The following NAV3 variants were observed in gnomAD, a reference collection of about 807,000 sequenced individuals.
NAV3 encodes neuron navigator 3.
A neutral mutation model predicts 244.7 loss-of-function variants in NAV3; 87 were observed. The observed-to-expected ratio is 0.36, with a 90% CI of 0.30 to 0.42. The LOEUF is 0.42. Ranked by LOEUF, NAV3 falls within the 20% of genes least tolerant of loss-of-function variation. The pLI is 1.00. For missense variants in NAV3, 2,663 were observed against 2,893.3 expected, an observed-to-expected ratio of 0.92 and a Z score of 1.83; for synonymous variants, 1,126 against 1,042.2, an observed-to-expected ratio of 1.08 and a Z score of -1.55.
intron 9 of NAV3, among the ~76,000 whole-genome samples, chr12:78,044,545 G>A (rs2137129174): frequency 6.6e-6 from 1 of 152,270 alleles, no homozygotes; most frequent in South Asian, 2.1e-4. Flanking sequence ...TCATGATATT[G>A]ATTCTTCCTA....
intron 12 of NAV3, among the ~76,000 whole-genome samples, chr12:78,078,734 T>G (rs941719529): frequency 1.3e-5 from 2 of 152,054 alleles, no homozygotes; most frequent in African/African-American, 4.8e-5. Flanking sequence ...AGCTTCTCTC[T>G]CAATAACCTC....
intron 2 of NAV3, among the ~76,000 whole-genome samples, chr12:77,798,706 C>A (rs1040222732): frequency 6.6e-6 from 1 of 151,976 alleles, no homozygotes; most frequent in African/African-American, 2.4e-5. Context: ...GTTGTCTGAC[C>A]TCACATTACT....
chr12:77,596,629 A>T (rs1337723309), intron 2 of NAV3, among the ~76,000 whole-genome samples: 1 of 152,194 alleles, frequency 6.6e-6, no homozygotes, highest in Non-Finnish European at 1.5e-5. Context: ...TAATAATGAC[A>T]CTTTCTCAGC....
At chr12:77,864,171 C>A (rs1191589885) in intron 1 of NAV3, among the ~76,000 whole-genome samples, 2 of 151,808 alleles carry the variant, frequency 1.3e-5, no homozygotes, top group African/African-American at 4.8e-5. Flanking sequence ...TCTTCCTTCA[C>A]CCCTTATTTA....
At chr12:77,664,404 G>T (rs1167812988) in intron 2 of NAV3, among the ~76,000 whole-genome samples, 5 of 152,116 alleles carry the variant, frequency 3.3e-5, no homozygotes, top group Admixed American at 2.0e-4. Context: ...CAATAGGTTG[G>T]TATCCAGTGC....
rs558342269 is a variant in NAV3, at chr12:77,770,724, A to G, written c.73-169595A>G. Among the ~76,000 whole-genome samples, 542 of 152,344 alleles carry G rather than the reference A, an allele frequency of 3.6e-3. 5 individuals carry two copies. The highest frequency in any genetic ancestry group is 0.014 in the Middle Eastern group (4 of 294). ...TGGCTAGCCATATGTAGAAAGCTGA[A>G]ACTGGATCCCTTCCTTACACCTTAT... On this transcript the variant is annotated intron_variant, in intron 2 of 8. Transcript: ENST00000550042.
chr12:77,947,149 A>G (rs1890428002), intron 3 of NAV3, among the ~76,000 whole-genome samples: 1 of 152,072 alleles, frequency 6.6e-6, no homozygotes, highest in Non-Finnish European at 1.5e-5. Flanking sequence ...TAGTAGCTGG[A>G]AAATTAGATT....
At chr12:78,147,483 T>C (rs1002378435) in intron 21 of NAV3, among the ~76,000 whole-genome samples, 3 of 152,042 alleles carry the variant, frequency 2.0e-5, no homozygotes, top group African/African-American at 7.2e-5. Context: ...CTATTTAATT[T>C]GAGAAATGCT....
chr12:77,689,434 G>C (rs2137150394), intron 2 of NAV3, among the ~76,000 whole-genome samples: 1 of 151,990 alleles, frequency 6.6e-6, no homozygotes, highest in Non-Finnish European at 1.5e-5. Context: ...CTACCATCCA[G>C]TCTGAGATTA....
chr12:78,157,301 C>G (rs920031713), intron 22 of NAV3, among the ~76,000 whole-genome samples: 1 of 151,230 alleles, frequency 6.6e-6, no homozygotes, highest in East Asian at 1.9e-4. Context: ...TCCCAGCCAA[C>G]ACTTTGCGGG....
intron 2 of NAV3, among the ~76,000 whole-genome samples, chr12:77,763,163 G>A (rs1869574170): frequency 6.6e-6 from 1 of 152,140 alleles, no homozygotes; most frequent in African/African-American, 2.4e-5. Context: ...GAGAGAAGAG[G>A]TGACTGGTCC....
chr12:77,583,811 G>A (rs948804841), intron 2 of NAV3, among the ~76,000 whole-genome samples: 11 of 151,998 alleles, frequency 7.2e-5, no homozygotes, highest in Non-Finnish European at 1.3e-4. Flanking sequence ...CATGGGACCC[G>A]ACATAATCTC....
chr12:77,766,833 A>G (rs1869799899), intron 2 of NAV3, among the ~76,000 whole-genome samples: 1 of 137,256 alleles, frequency 7.3e-6, no homozygotes, highest in East Asian at 2.3e-4. Flanking sequence ...GGCTCACTGA[A>G]ACCTCCACCT....
chr12:77,697,364 C>G (rs1453628289), intron 2 of NAV3, among the ~76,000 whole-genome samples: 2 of 152,126 alleles, frequency 1.3e-5, no homozygotes, highest in African/African-American at 4.8e-5. Context: ...AGCACAGTGG[C>G]TGAAAGCACA....
chr12:77,707,520 A>G (rs1875884258), intron 2 of NAV3, among the ~76,000 whole-genome samples: 1 of 152,186 alleles, frequency 6.6e-6, no homozygotes, highest in African/African-American at 2.4e-5. Context: ...CACAATGAAT[A>G]TATGTGTGCA....
intron 12 of NAV3, among the ~76,000 whole-genome samples, chr12:78,109,132 G>A (rs527499747): frequency 1.3e-5 from 2 of 151,898 alleles, no homozygotes; most frequent in South Asian, 4.1e-4. Flanking sequence ...TACAACAGAT[G>A]CCACAGAAAT....
intron 20 of NAV3, among the ~76,000 whole-genome samples, chr12:78,141,557 C>T (rs1956615549): frequency 6.6e-6 from 1 of 152,048 alleles, no homozygotes; most frequent in Admixed American, 6.6e-5. Flanking sequence ...TTGTTTGAAC[C>T]TTCTCTTTAT....
intron 2 of NAV3, among the ~76,000 whole-genome samples, chr12:77,650,848 G>A (rs940737539): frequency 3.9e-5 from 6 of 152,108 alleles, no homozygotes; most frequent in African/African-American, 1.4e-4. Context: ...TCTATTATTA[G>A]TTCAGTGACA....
chr12:77,784,624 T>C (rs895865598), intron 2 of NAV3, among the ~76,000 whole-genome samples: 7 of 152,154 alleles, frequency 4.6e-5, no homozygotes, highest in Admixed American at 4.6e-4. Flanking sequence ...AAATCTGTGA[T>C]TGTCATTCTG....
Sources: allele counts gnomAD v4.1 joint callset (sites outside exome capture counted in the v4.1 genomes callset), GRCh38; gene constraint gnomAD v4.1.1; transcripts MANE v1.5; gene names NCBI Gene and HGNC (gene_info 2026-07-23, HGNC 2026-07-21).